The following SEMA6D variants were observed in gnomAD, a reference collection of about 807,000 sequenced individuals.
The protein encoded by SEMA6D is semaphorin-6D.
A neutral mutation model predicts 106.6 loss-of-function variants in SEMA6D; 35 were observed. The ratio of observed to expected loss-of-function variants is 0.33; its 90% confidence interval spans 0.25 to 0.44. The LOEUF (loss-of-function observed/expected upper bound fraction) is 0.44. Ranked by LOEUF, SEMA6D falls within the 20% of genes least tolerant of loss-of-function variation. The pLI, the probability that SEMA6D is intolerant of heterozygous loss-of-function variation, is 1.00. For synonymous variants in SEMA6D, 499 were observed against 487.7 expected (o/e 1.02, Z -0.31); for missense variants, 1,185 against 1,345.9 (o/e 0.88, Z 1.87).
intron 1 of SEMA6D, among the ~76,000 whole-genome samples, chr15:47,344,242 C>T (rs750453574): frequency 6.6e-6 from 1 of 152,088 alleles, no homozygotes; most frequent in East Asian, 1.9e-4. Context: ...ACTGTGTTAT[C>T]AGTATAGCTG....
At chr15:47,647,719 C>CAAAAAAAAAAAAAAAAA (rs777557315) in intron 4 of SEMA6D, among the ~76,000 whole-genome samples, 2 of 93,778 alleles carry the variant, frequency 2.1e-5, no homozygotes, top group Non-Finnish European at 5.2e-5. Flanking sequence ...CAATTGTGGG[C>CAAAAAAAAAAAAAAAAA]AAAAAAAAAA....
chr15:47,657,453 C>A (rs1208863814), intron 4 of SEMA6D, among the ~76,000 whole-genome samples: 1 of 151,964 alleles, frequency 6.6e-6, no homozygotes, highest in Non-Finnish European at 1.5e-5. Flanking sequence ...TTGTCATGAA[C>A]AGAATTTTCT....
At chr15:47,424,232 C>T (rs1280665926) in intron 2 of SEMA6D, among the ~76,000 whole-genome samples, 3 of 151,842 alleles carry the variant, frequency 2.0e-5, no homozygotes, top group Admixed American at 2.0e-4. Context: ...TGACTATTTG[C>T]CAATACCTCT....
chr15:47,384,547 G>T (rs937413910), intron 1 of SEMA6D, among the ~76,000 whole-genome samples: 2 of 152,234 alleles, frequency 1.3e-5, no homozygotes, highest in Non-Finnish European at 2.9e-5. Context: ...GCAGGGGCCA[G>T]CAGAGGCCCT....
chr15:47,511,265 C>G (rs1381405792), intron 3 of SEMA6D, among the ~76,000 whole-genome samples: 3 of 152,170 alleles, frequency 2.0e-5, no homozygotes, highest in Admixed American at 6.5e-5. Flanking sequence ...TAATCTGTGT[C>G]CTTGTTCTGT....
chr15:47,351,914 G>A (rs1170729056), intron 1 of SEMA6D, among the ~76,000 whole-genome samples: 1 of 152,158 alleles, frequency 6.6e-6, no homozygotes, highest in Non-Finnish European at 1.5e-5. Context: ...GGAAAATATA[G>A]CTTTGACCAA....
chr15:47,766,270 T>A, intron 15 of SEMA6D, 88 bp downstream of exon 15: 1 of 1,156,394 alleles, frequency 8.6e-7, no homozygotes, highest in Non-Finnish European at 1.2e-6. Flanking sequence ...CCAATTATAC[T>A]ACTTTTCTTT....
chr15:47,539,600 T>C (rs1187846918), intron 3 of SEMA6D, among the ~76,000 whole-genome samples: 9 of 152,214 alleles, frequency 5.9e-5, no homozygotes, highest in African/African-American at 1.9e-4. Context: ...AATTTTTGTA[T>C]TTTTAGGAGA....
At chr15:47,544,552 A>T (rs553445639) in intron 3 of SEMA6D, among the ~76,000 whole-genome samples, 65 of 152,252 alleles carry the variant, frequency 4.3e-4, no homozygotes, top group South Asian at 8.3e-4. Context: ...AGGCCACTGT[A>T]ACCCATTAAC....
intron 1 of SEMA6D, among the ~76,000 whole-genome samples, chr15:47,290,635 C>T (rs2142817536): frequency 6.6e-6 from 1 of 151,730 alleles, no homozygotes; most frequent in Admixed American, 6.6e-5. Context: ...TATATACACA[C>T]ACACACACAT....
At chr15:47,274,303 C>T (rs2034700820) in intron 1 of SEMA6D, 1 of 152,022 alleles carries the variant, frequency 6.6e-6, no homozygotes, top group East Asian at 1.9e-4. Context: ...TTTAAAAAGC[C>T]TTGAAAAGAA....
At chr15:47,626,753 C>A (rs1251767812) in intron 4 of SEMA6D, among the ~76,000 whole-genome samples, 1 of 151,814 alleles carries the variant, frequency 6.6e-6, no homozygotes, top group Non-Finnish European at 1.5e-5. Flanking sequence ...ATAACAAGTC[C>A]CCTTGTTTGA....
intron 1 of SEMA6D, among the ~76,000 whole-genome samples, chr15:47,270,404 C>T (rs1355061094): frequency 6.6e-6 from 1 of 151,556 alleles, no homozygotes; most frequent in Non-Finnish European, 1.5e-5. Flanking sequence ...ATAATCATAC[C>T]ATCTGACAAT....
intron 2 of SEMA6D, among the ~76,000 whole-genome samples, chr15:47,436,490 T>C (rs1470696234): frequency 6.6e-6 from 1 of 151,524 alleles, no homozygotes; most frequent in Admixed American, 6.6e-5. Flanking sequence ...ATACAAATAG[T>C]ATTTGTGATG....
At chr15:47,740,445 G>A (rs577792504) in intron 1 of SEMA6D, among the ~76,000 whole-genome samples, 1 of 152,128 alleles carries the variant, frequency 6.6e-6, no homozygotes, top group African/African-American at 2.4e-5. Flanking sequence ...ACTTGAACCC[G>A]GGAGGTGGAG....
chr15:47,673,111 G>A (rs947868951), intron 4 of SEMA6D, among the ~76,000 whole-genome samples: 18 of 151,694 alleles, frequency 1.2e-4, no homozygotes, highest in African/African-American at 2.9e-4. Flanking sequence ...TTCTCACCCC[G>A]AGAAAATCCC....
chr15:47,578,261 A>G (rs759714457), intron 3 of SEMA6D, among the ~76,000 whole-genome samples: 1 of 152,242 alleles, frequency 6.6e-6, no homozygotes, highest in Non-Finnish European at 1.5e-5. Context: ...ATGAGTGAAT[A>G]TAGGAAAATA....
intron 11 of SEMA6D, 107 bp downstream of exon 11, chr15:47,764,412 G>T: frequency 7.2e-7 from 1 of 1,387,886 alleles, no homozygotes; most frequent in Non-Finnish European, 9.7e-7. Flanking sequence ...CCAGGAAGGG[G>T]TCCCTCTCTC....
intron 1 of SEMA6D, among the ~76,000 whole-genome samples, chr15:47,351,100 G>A (rs1305891041): frequency 6.6e-6 from 1 of 152,054 alleles, no homozygotes; most frequent in Non-Finnish European, 1.5e-5. Context: ...AATACCCAAT[G>A]TTTTCTTGTC....
Sources: gnomAD v4.1 joint callset for allele counts (sites outside exome capture counted in the v4.1 genomes callset) on GRCh38, gnomAD v4.1.1 for gene constraint, MANE v1.5 for transcripts, NCBI Gene and HGNC (gene_info 2026-07-23, HGNC 2026-07-21) for gene names.